Variants in TRPM3 observed in about 807,000 individuals in gnomAD.
TRPM3 encodes long transient receptor potential channel 3.
Under a neutral mutation model 181.2 loss-of-function variants are expected in TRPM3, and 77 were observed. That is an observed-to-expected ratio of 0.42 (90% CI 0.35 to 0.51). TRPM3 has a LOEUF of 0.51. Ranked by LOEUF, TRPM3 falls within the 20% of genes least tolerant of loss-of-function variation. The probability of loss-of-function intolerance (pLI) is 0.01; values close to 1 mark genes in which losing one functional copy is unlikely to be tolerated. For missense variants in TRPM3, 1,759 were observed against 2,196.7 expected (o/e 0.80, Z 3.98); for synonymous variants, 745 against 796.4 (o/e 0.94, Z 1.09).
At chr9:71,316,944 G>T (rs763041588) in intron 1 of TRPM3, among the ~76,000 whole-genome samples, 6 of 152,050 alleles carry the variant, frequency 3.9e-5, no homozygotes, top group Admixed American at 1.3e-4. Flanking sequence ...GTATCACTTT[G>T]AATTCTTTTC....
chr9:71,313,306 C>T (rs926958583), intron 1 of TRPM3, among the ~76,000 whole-genome samples: 12 of 152,164 alleles, frequency 7.9e-5, no homozygotes, highest in African/African-American at 2.2e-4. Flanking sequence ...CTCACTGATA[C>T]GGATACCCAA....
intron 1 of TRPM3, among the ~76,000 whole-genome samples, chr9:71,370,066 G>A (rs1157554149): frequency 6.6e-6 from 1 of 152,132 alleles, no homozygotes; most frequent in East Asian, 1.9e-4. Flanking sequence ...ATAACATGAT[G>A]AAGTTAATTG....
At chr9:71,341,577 A>G (rs534718003) in intron 1 of TRPM3, among the ~76,000 whole-genome samples, 1 of 152,136 alleles carries the variant, frequency 6.6e-6, no homozygotes, top group East Asian at 1.9e-4. Context: ...TCAAGGATAT[A>G]TATTGAATGC....
At chr9:71,133,412 A>G (rs1049271594) in intron 1 of TRPM3, among the ~76,000 whole-genome samples, 1 of 144,998 alleles carries the variant, frequency 6.9e-6, no homozygotes, top group Admixed American at 7.4e-5. Context: ...CTCCTACCTC[A>G]GCCTCCCCTC....
chr9:70,612,440 C>A (rs1293494646), intron 18 of TRPM3, among the ~76,000 whole-genome samples: 3 of 152,154 alleles, frequency 2.0e-5, no homozygotes, highest in Non-Finnish European at 4.4e-5. Context: ...TAGAGACAAT[C>A]CTAGATAATT....
chr9:70,575,114 T>G (rs2053591748), intron 22 of TRPM3, among the ~76,000 whole-genome samples: 1 of 150,210 alleles, frequency 6.7e-6, no homozygotes, highest in Non-Finnish European at 1.5e-5. Flanking sequence ...GCATAATTTT[T>G]TTTTTTTTTT....
intron 1 of TRPM3, among the ~76,000 whole-genome samples, chr9:71,204,327 A>G (rs2131749981): frequency 6.6e-6 from 1 of 152,060 alleles, no homozygotes; most frequent in East Asian, 1.9e-4. Flanking sequence ...ACATAGGGCT[A>G]ATATCCAGAA....
chr9:70,879,959 C>A (rs2095954367), intron 1 of TRPM3, among the ~76,000 whole-genome samples: 1 of 152,114 alleles, frequency 6.6e-6, no homozygotes, highest in Non-Finnish European at 1.5e-5. Flanking sequence ...GGTAGACACA[C>A]TCCTAGTATT....
intron 1 of TRPM3, among the ~76,000 whole-genome samples, chr9:71,394,860 A>G (rs1270782035): frequency 6.6e-6 from 1 of 152,206 alleles, no homozygotes; most frequent in Non-Finnish European, 1.5e-5. Flanking sequence ...ACTTGGCATC[A>G]TAAACTCTGT....
chr9:70,869,810 G>A (rs1200155970), intron 1 of TRPM3, among the ~76,000 whole-genome samples: 1 of 152,014 alleles, frequency 6.6e-6, no homozygotes, highest in Non-Finnish European at 1.5e-5. Context: ...GTGATGCCCT[G>A]ATATGTTTAT....
chr9:70,858,903 C>A (rs2095453470), intron 3 of TRPM3, among the ~76,000 whole-genome samples: 1 of 152,154 alleles, frequency 6.6e-6, no homozygotes, highest in South Asian at 2.1e-4. Flanking sequence ...CCTGGTCCTA[C>A]CTCCTTGCTG....
intron 1 of TRPM3, among the ~76,000 whole-genome samples, chr9:71,437,561 C>A (rs569939173): frequency 5.9e-5 from 9 of 152,168 alleles, no homozygotes; most frequent in Admixed American, 3.9e-4. Flanking sequence ...TTATAAGAGA[C>A]CTTATAGCCT....
intron 20 of TRPM3, among the ~76,000 whole-genome samples, chr9:70,601,002 C>G (rs1401447249): frequency 6.6e-6 from 1 of 152,166 alleles, no homozygotes; most frequent in Admixed American, 6.5e-5. Flanking sequence ...CTCGAACCAG[C>G]CCTCAGGCAC....
chr9:71,340,982 C>T (rs1471645603), intron 1 of TRPM3, among the ~76,000 whole-genome samples: 3 of 152,018 alleles, frequency 2.0e-5, no homozygotes, highest in Non-Finnish European at 2.9e-5. Flanking sequence ...CAAAACGGCA[C>T]AGAAGCCAAT....
intron 6 of TRPM3, among the ~76,000 whole-genome samples, chr9:70,802,920 T>G (rs1177726007): frequency 2.6e-5 from 4 of 151,892 alleles, no homozygotes; most frequent in Non-Finnish European, 5.9e-5. Context: ...TGTTTTCCAT[T>G]TGTTTTTCCT....
intron 22 of TRPM3, among the ~76,000 whole-genome samples, chr9:70,566,968 A>AT (rs1237829213): frequency 6.6e-6 from 1 of 152,224 alleles, no homozygotes; most frequent in Admixed American, 6.5e-5. Flanking sequence ...TAGGTAGATG[A>AT]AAACCTCACA....
chr9:71,267,923 C>T (rs958938093), intron 1 of TRPM3, among the ~76,000 whole-genome samples: 10 of 152,152 alleles, frequency 6.6e-5, no homozygotes, highest in African/African-American at 2.4e-4. Flanking sequence ...ATAGGGATTA[C>T]TTCCCACTTC....
chr9:71,405,310 T>A (rs561280483), intron 1 of TRPM3, among the ~76,000 whole-genome samples: 135 of 152,286 alleles, frequency 8.9e-4, no homozygotes, highest in East Asian at 2.9e-3. Flanking sequence ...AAATTTTTTT[T>A]AAAAAAATCT....
chr9:70,748,379 G>A (rs1440343792), intron 8 of TRPM3, among the ~76,000 whole-genome samples: 2 of 152,060 alleles, frequency 1.3e-5, no homozygotes, highest in Non-Finnish European at 2.9e-5. Context: ...TTCTCATGTT[G>A]TATGTCTATT....
Sources: gnomAD v4.1 joint callset for allele counts (sites outside exome capture counted in the v4.1 genomes callset) on GRCh38, gnomAD v4.1.1 for gene constraint, MANE v1.5 for transcripts, NCBI Gene and HGNC (gene_info 2026-07-23, HGNC 2026-07-21) for gene names.